Variants in USP4 observed in about 807,000 individuals in gnomAD.
The protein encoded by USP4 is ubiquitin specific peptidase 4, also known as ubiquitin carboxyl-terminal hydrolase 4.
In USP4, 72 loss-of-function variants were observed where a neutral mutation model predicts 118.2. The ratio of observed to expected loss-of-function variants is 0.61; its 90% CI spans 0.50 to 0.74. USP4 has a LOEUF of 0.74. Ranked by LOEUF, USP4 falls within the 30% of genes least tolerant of loss-of-function variation. USP4 has a pLI of 0.00. For missense variants in USP4, 1,037 were observed against 1,185.7 expected (o/e 0.87, Z 1.84); for synonymous variants, 415 against 440.4 (o/e 0.94, Z 0.72).
rs778612981 is a variant in USP4, at chr3:49,286,340, G to A, written c.1973-15C>T. 3.1e-6 allele frequency: 5 copies of A among 1,611,302 alleles called. No homozygotes were observed. In the South Asian group the frequency reaches 4.4e-5, roughly 14 times the overall value. On this transcript the variant is annotated splice_polypyrimidine_tract_variant and intron_variant, in intron 15 of 21. Coordinates refer to ENST00000265560, the MANE Select transcript of USP4 (RefSeq NM_003363.4). ...CTCATCTTCTCCTGGCACATAAATGGAAAACAATATGTATATAATTTCCTA... is the reference window on the plus strand; with the variant it reads ...CTCATCTTCTCCTGGCACATAAATGAAAAACAATATGTATATAATTTCCTA...
chr3:49,327,844 A>G (rs2047573686), intron 2 of USP4, 28 bp from the exon 3 acceptor site: 1 of 1,593,884 alleles, frequency 6.3e-7, no homozygotes, highest in African/African-American at 1.3e-5. Flanking sequence ...CACATAAGTC[A>G]CTGCTCTTTA....
chr3:49,325,071 T>C, intron 4 of USP4, 32 bp from the exon 5 acceptor site: 1 of 1,605,502 alleles, frequency 6.2e-7, no homozygotes, highest in Non-Finnish European at 8.5e-7. Context: ...ACTTGGGGCT[T>C]TGTCCACATG....
rs1343741398 is a variant in USP4, at chr3:49,292,591, C to A, written c.1891G>T (p.Val631Leu). The A allele has an allele frequency of 1.3e-6, 2 of 1,582,464 alleles. No homozygotes were observed. Among genetic ancestry groups the A allele is most frequent in the African/African-American group, 1.4e-5 (1 of 73,236 alleles). ...AACTCATCAGGTAAAGGCTGTTTCA[C>A]ATAGCGGCTTCAAAAAGAGAAAAAG... ...QAVCDRISRY[V>L]KQPLPDEFGS... is the part of the protein sequence containing the mutation. Residue 631 changes from valine (V) to leucine (L), a missense_variant, in exon 15 of 22, where the codon GTG (valine) becomes TTG (leucine). By Grantham distance (32) the Val-to-Leu change is conservative. Transcript: ENST00000265560.
intron 19 of USP4, among the ~76,000 whole-genome samples, chr3:49,283,303 C>T (rs188883297): frequency 1.7e-4 from 26 of 151,792 alleles, no homozygotes; most frequent in East Asian, 9.7e-4. Flanking sequence ...CATGAGCCAC[C>T]GTGCCCAGCC....
intron 9 of USP4, among the ~76,000 whole-genome samples, chr3:49,304,206 C>A (rs1333957981): frequency 6.6e-6 from 1 of 152,178 alleles, no homozygotes; most frequent in South Asian, 2.1e-4. Context: ...AGCTAAGGTG[C>A]TATTTTTTTT....
intron 4 of USP4, among the ~76,000 whole-genome samples, chr3:49,325,357 T>C (rs1461995240): frequency 6.6e-6 from 1 of 151,998 alleles, no homozygotes; most frequent in Admixed American, 6.6e-5. Context: ...CTGGCTGCGA[T>C]TTGTTTTTTT....
chr3:49,283,370 C>T (rs1030998198), intron 19 of USP4, among the ~76,000 whole-genome samples: 4 of 151,568 alleles, frequency 2.6e-5, no homozygotes, highest in Non-Finnish European at 4.4e-5. Context: ...CTATGTTGTC[C>T]AGGCTGGTTT....
rs748610683 is a variant in USP4, at chr3:49,340,001, A to T, written c.24T>A (p.Arg8=). 9 of 1,610,084 alleles carry T rather than the reference A, an allele frequency of 5.6e-6. No individual in the cohort carries two copies. In the Admixed American group the frequency reaches 1.5e-4, roughly 27 times the overall value. Residue 8 remains arginine (R), a synonymous_variant, in exon 1 of 22, where the codon CGT becomes CGA. Coordinates refer to ENST00000265560, the MANE Select transcript of USP4 (RefSeq NM_003363.4). Reference sequence around the variant, plus strand: ...TCTGAGTCTCCGCATCCGGTCGCTCACGGCAGCCTCCACCTTCCGCCATCT... The same window carrying T: ...TCTGAGTCTCCGCATCCGGTCGCTCTCGGCAGCCTCCACCTTCCGCCATCT... MAEGGGC[R]ERPDAETQKS...
chr3:49,320,221 C>CT (rs1434214861), intron 6 of USP4, among the ~76,000 whole-genome samples: 8 of 152,144 alleles, frequency 5.3e-5, no homozygotes, highest in Non-Finnish European at 1.2e-4. Context: ...ATGCCTGACT[C>CT]TTTTTTTCCA....
At chr3:49,338,662 C>CAA (rs1184984948) in intron 1 of USP4, among the ~76,000 whole-genome samples, 9 of 52,862 alleles carry the variant, frequency 1.7e-4, no homozygotes, top group East Asian at 5.8e-4. Context: ...AATTCCTTCT[C>CAA]AAAAAAAAAA....
intron 8 of USP4, among the ~76,000 whole-genome samples, chr3:49,308,962 G>A (rs778871960): frequency 5.3e-5 from 8 of 151,008 alleles, no homozygotes; most frequent in Non-Finnish European, 8.8e-5. Flanking sequence ...AACCCAGGAG[G>A]TGGAGGTTGC....
intron 8 of USP4, among the ~76,000 whole-genome samples, chr3:49,309,964 T>TTTTTTTTTTTTTTTG (rs2047367023): frequency 8.3e-6 from 1 of 119,970 alleles, no homozygotes; most frequent in African/African-American, 3.5e-5. Flanking sequence ...TTTTTTTTTT[T>TTTTTTTTTTTTTTTG]TTGAGACAGA....
intron 13 of USP4, 94 bp downstream of exon 13, chr3:49,297,776 C>A: frequency 9.6e-7 from 1 of 1,043,960 alleles, no homozygotes; most frequent in Non-Finnish European, 1.5e-6. Flanking sequence ...TGAGCAATGA[C>A]TGCCCACATT....
rs908293984 is a variant in USP4, at chr3:49,324,781, C to T, written c.634-18G>A. 1.2e-6 allele frequency: 2 copies of T among 1,614,082 alleles called. No homozygotes were observed. Among genetic ancestry groups the T allele is most frequent in the Non-Finnish European group, 1.7e-6 (2 of 1,179,968 alleles). ...ACTAGCACCTGAGTGAAAGGGGAAA[C>T]CAAATGAGGAGAGTTCAAACCACCG... On this transcript the variant is annotated intron_variant, in intron 5 of 21. Coordinates refer to ENST00000265560, the MANE Select transcript of USP4 (RefSeq NM_003363.4).
intron 10 of USP4, among the ~76,000 whole-genome samples, chr3:49,301,887 G>T (rs1294266454): frequency 6.6e-6 from 1 of 151,988 alleles, no homozygotes; most frequent in Non-Finnish European, 1.5e-5. Context: ...ATGTCCTAAT[G>T]ATACTAATAA....
chr3:49,298,536 G>A lies in USP4; in HGVS notation c.1596+16C>T, dbSNP rs370560981. 3 of 1,613,414 alleles carry A rather than the reference G, an allele frequency of 1.9e-6. No homozygotes were observed. The African/African-American group carries it at 4.0e-5, about 22-fold the overall frequency. Reference sequence around the variant, plus strand: ...TATCCCAAATAGACCGAGTGCCACTGATCACCCCGCCTTACATTTTCTGCA... The same window carrying A: ...TATCCCAAATAGACCGAGTGCCACTAATCACCCCGCCTTACATTTTCTGCA... On this transcript the variant is annotated intron_variant, in intron 12 of 21. Coordinates refer to ENST00000265560, the MANE Select transcript of USP4 (RefSeq NM_003363.4).
intron 6 of USP4, among the ~76,000 whole-genome samples, chr3:49,319,190 TA>T (rs2047473330): frequency 6.6e-6 from 1 of 152,164 alleles, no homozygotes; most frequent in Non-Finnish European, 1.5e-5. Context: ...TGGTAGGTTT[TA>T]AAAAAGTTAT....
intron 12 of USP4, among the ~76,000 whole-genome samples, 153 bp from the exon 13 acceptor site, chr3:49,298,117 C>T (rs2047228186): frequency 1.3e-5 from 2 of 152,208 alleles, no homozygotes; most frequent in African/African-American, 4.8e-5. Flanking sequence ...GAGCTGAGGG[C>T]CAAGGCCCAA....
At chr3:49,337,043 G>C (rs2047674963) in intron 1 of USP4, among the ~76,000 whole-genome samples, 2 of 152,054 alleles carry the variant, frequency 1.3e-5, no homozygotes. Context: ...CCAGCACTTT[G>C]AGAGGCCGAG....
Sources: gnomAD v4.1 joint callset for allele counts (sites outside exome capture counted in the v4.1 genomes callset) on GRCh38, gnomAD v4.1.1 for gene constraint, MANE v1.5 for transcripts, NCBI Gene and HGNC (gene_info 2026-07-23, HGNC 2026-07-21) for gene names.